Variants in ZNF345 observed in about 807,000 individuals in gnomAD.
ZNF345 encodes zinc finger protein HZF10.
For missense variants in ZNF345, 527 were observed against 589.9 expected, an observed-to-expected ratio of 0.89 and a Z score of 1.10; for synonymous variants, 166 against 187.9, an observed-to-expected ratio of 0.88 and a Z score of 0.95.
intron 2 of ZNF345, among the ~76,000 whole-genome samples, chr19:36,863,754 A>G (rs1239231411): frequency 1.3e-5 from 2 of 152,204 alleles, no homozygotes; most frequent in Non-Finnish European, 2.9e-5. Flanking sequence ...CTCTTTATGC[A>G]TTTAAGTTAA....
At chr19:36,869,908 C>T (rs1272034662) in intron 2 of ZNF345, among the ~76,000 whole-genome samples, 1 of 152,028 alleles carries the variant, frequency 6.6e-6, no homozygotes, top group Non-Finnish European at 1.5e-5. Context: ...ATTACAGGCA[C>T]ATGCCACCAC....
At chr19:36,893,129 A>G (rs1214367082), downstream of ZNF345, 4 of 396,268 alleles carry the variant, frequency 1.0e-5, no homozygotes, top group South Asian at 2.8e-4. Flanking sequence ...AAAGGTTTAA[A>G]TGTCGGGGGC....
chr19:36,872,691 T>C (rs1224300500), intron 2 of ZNF345: 2 of 152,298 alleles, frequency 1.3e-5, no homozygotes, highest in Non-Finnish European at 2.9e-5. Flanking sequence ...CTTAGATATG[T>C]CTTCATAGCA....
At chr19:36,890,120 G>C (rs1024759825) in intron 3 of ZNF345, 1 of 152,172 alleles carries the variant, frequency 6.6e-6, no homozygotes, top group Non-Finnish European at 1.5e-5. Context: ...ACTATGGTCA[G>C]AGAAGATGTT....
At chr19:36,860,429 A>G (rs1385186197) in intron 2 of ZNF345, among the ~76,000 whole-genome samples, 1 of 152,122 alleles carries the variant, frequency 6.6e-6, no homozygotes, top group Non-Finnish European at 1.5e-5. Flanking sequence ...CTTTCTCCTC[A>G]TCTATCCAGG....
At chr19:36,880,215 G>C (rs530895371), downstream of ZNF345, among the ~76,000 whole-genome samples, 1 of 151,874 alleles carries the variant, frequency 6.6e-6, no homozygotes, top group Non-Finnish European at 1.5e-5. Flanking sequence ...AGCTACTCGG[G>C]AGTCTGAGGC....
chr19:36,875,010 C>A (rs1202180467), intron 2 of ZNF345, among the ~76,000 whole-genome samples: 1 of 152,046 alleles, frequency 6.6e-6, no homozygotes, highest in Non-Finnish European at 1.5e-5. Flanking sequence ...AAGGATAATA[C>A]ATTTTGCAAA....
At chr19:36,876,489 A>G (rs114689453) in intron 2 of ZNF345, among the ~76,000 whole-genome samples, 2,029 of 152,292 alleles carry the variant, frequency 0.013, 53 homozygotes, top group African/African-American at 0.046. Flanking sequence ...AGTCTGCAGG[A>G]CTTTTAAACT....
chr19:36,886,993 C>CA (rs57034209), intron 3 of ZNF345, among the ~76,000 whole-genome samples: 2,744 of 40,698 alleles, frequency 0.067, 134 homozygotes, highest in South Asian at 0.13. Context: ...GACTCCGTCT[C>CA]AAAAAAAAAA....
chr19:36,888,609 TACATAC>T (rs1211423542), intron 3 of ZNF345: 1 of 152,240 alleles, frequency 6.6e-6, no homozygotes, highest in East Asian at 1.9e-4. Flanking sequence ...GCAGTTGTGT[TACATAC>T]ACATATAGTG....
chr19:36,892,758 C>G (rs2073070946), intron 3 of ZNF345: 1 of 495,480 alleles, frequency 2.0e-6, no homozygotes. Flanking sequence ...TCAGCACCAT[C>G]CTCCATATTA....
At chr19:36,876,010 C>G (rs2072875101) in intron 2 of ZNF345, among the ~76,000 whole-genome samples, 1 of 152,176 alleles carries the variant, frequency 6.6e-6, no homozygotes. Flanking sequence ...TTGCAGTCTT[C>G]TAGTAGTATC....
chr19:36,869,351 A>G (rs943681594), intron 2 of ZNF345, among the ~76,000 whole-genome samples: 8 of 152,238 alleles, frequency 5.3e-5, no homozygotes, highest in South Asian at 4.1e-4. Flanking sequence ...CACAGTTTCT[A>G]TGCCCTTTCC....
downstream of ZNF345, among the ~76,000 whole-genome samples, chr19:36,884,146 A>C (rs1303361692): frequency 6.6e-6 from 1 of 151,966 alleles, no homozygotes; most frequent in Non-Finnish European, 1.5e-5. Context: ...GCTCACTGCA[A>C]CCTCCGCCTC....
chr19:36,871,242 C>T (rs1486748043), intron 2 of ZNF345, among the ~76,000 whole-genome samples: 1 of 152,146 alleles, frequency 6.6e-6, no homozygotes. Flanking sequence ...GGGCTCTGCC[C>T]TCATGACCTA....
intron 3 of ZNF345, chr19:36,891,722 A>T (rs1323183520): frequency 4.3e-6 from 7 of 1,614,040 alleles, no homozygotes; most frequent in Non-Finnish European, 5.9e-6. Flanking sequence ...GCCTTTCTAC[A>T]TTCTTCACAT....
At chr19:36,855,880 T>A (rs1057240704) in intron 2 of ZNF345, among the ~76,000 whole-genome samples, 3 of 152,230 alleles carry the variant, frequency 2.0e-5, no homozygotes. Context: ...ATTGTCTTCA[T>A]TGGGAAAAAA....
chr19:36,862,352 A>G (rs946214936), intron 2 of ZNF345, among the ~76,000 whole-genome samples: 1 of 152,020 alleles, frequency 6.6e-6, no homozygotes, highest in African/African-American at 2.4e-5. Context: ...GTATGTAAAA[A>G]TATTAGCATG....
intron 2 of ZNF345, among the ~76,000 whole-genome samples, chr19:36,861,643 C>T (rs905636230): frequency 6.6e-6 from 1 of 152,156 alleles, no homozygotes; most frequent in South Asian, 2.1e-4. Flanking sequence ...TCACTGCAAC[C>T]TCTGTCTCCT....
Sources: gnomAD v4.1 joint callset for allele counts (sites outside exome capture counted in the v4.1 genomes callset) on GRCh38, gnomAD v4.1.1 for gene constraint, MANE v1.5 for transcripts, NCBI Gene and HGNC (gene_info 2026-07-23, HGNC 2026-07-21) for gene names.